Variants in NBEAL2 observed in about 807,000 individuals in gnomAD.
NBEAL2 encodes neurobeachin like 2, also known as neurobeachin-like protein 2.
Under a neutral mutation model 299.8 loss-of-function variants are expected in NBEAL2, and 160 were observed. The ratio of observed to expected loss-of-function variants is 0.53; its 90% CI spans 0.47 to 0.61. The LOEUF (loss-of-function observed/expected upper bound fraction) is 0.61, where lower values mean the gene tolerates loss of function less well. Ranked by LOEUF, NBEAL2 falls within the 20% of genes least tolerant of loss-of-function variation. The probability of loss-of-function intolerance (pLI) is 0.00; values close to 1 mark genes in which losing one functional copy is unlikely to be tolerated. For synonymous variants in NBEAL2, 1,493 were observed against 1,542.3 expected, an observed-to-expected ratio of 0.97 and a Z score of 0.75; for missense variants, 3,112 against 3,649.0, an observed-to-expected ratio of 0.85 and a Z score of 3.79.
In NBEAL2 at chr3:47,001,974, G is replaced by C. The variant is rs1248848964; in HGVS notation, c.4837G>C (p.Ala1613Pro). The C allele has an allele frequency of 1.2e-6, 2 of 1,608,696 alleles. No individual in the cohort carries two copies. ...LHMLLQTAVP[A>P]RREEACYVLS... ...CATGCTGCTACAGACTGCAGTGCCA[G>C]CCCGCCGCGAGGAGGCCTGCTATGT... The change falls in exon 31 of 54, where the codon GCC (alanine) becomes CCC (proline). Residue 1613 changes from alanine (A) to proline (P), a missense_variant. Ala to Pro is a conservative substitution (Grantham distance 27). Transcript: ENST00000450053. The surrounding 1 kb of genome is among the most constrained non-coding windows in gnomAD (Gnocchi z 6.1).
chr3:46,987,097 C>T (rs2035719566), intron 1 of NBEAL2, among the ~76,000 whole-genome samples: 2 of 152,236 alleles, frequency 1.3e-5, no homozygotes, highest in Admixed American at 1.3e-4. Context: ...GGGAGTTCCC[C>T]AATCACAGGG....
rs374762631 is a variant in NBEAL2 at position 47,006,322 on chromosome 3, C to T, written c.7018-11C>T. On this transcript the variant is annotated splice_polypyrimidine_tract_variant and intron_variant, in intron 44 of 53. Coordinates refer to ENST00000450053, the MANE Select transcript of NBEAL2 (RefSeq NM_015175.3). ...CCCATGCCATGGTGCTGACCAGCCA[C>T]TTACCCACAGGAGCCACATCCAACT... 1.9e-5 allele frequency: 31 copies of T among 1,600,290 alleles called. No individual in the cohort carries two copies. The highest frequency in any genetic ancestry group is 3.3e-4 in the Middle Eastern group (2 of 6,070).
Position 46,994,566 on chromosome 3 carries a change from G to C in NBEAL2, c.1296+13G>C, listed in dbSNP as rs780765425. The C allele has an allele frequency of 3.8e-6, 6 of 1,563,646 alleles. No homozygotes were observed. The Admixed American group carries it at 7.4e-5, about 19-fold the overall frequency. On this transcript the variant is annotated intron_variant, in intron 12 of 53. Coordinates refer to ENST00000450053, the MANE Select transcript of NBEAL2 (RefSeq NM_015175.3). ...GCTGCTCAACATGGTGAGGGAAGGGGCTTGGGACCAGGGTCCCAAAGGCAA... is the reference window on the plus strand; with the variant it reads ...GCTGCTCAACATGGTGAGGGAAGGGCCTTGGGACCAGGGTCCCAAAGGCAA...
chr3:46,999,598 G>A (rs760430855), intron 25 of NBEAL2, 32 bp from the exon 26 acceptor site: 6 of 1,509,036 alleles, frequency 4.0e-6, no homozygotes, highest in South Asian at 1.2e-5. Flanking sequence ...AGTCTGGTCA[G>A]TCCCTCAGGT....
In NBEAL2 at chr3:47,005,325, C is replaced by T. The variant is rs753026725; in HGVS notation, c.6560+4C>T. On this transcript the variant is annotated splice_donor_region_variant and intron_variant, in intron 40 of 53. Transcript: ENST00000450053. ...ACGTCCAGCTGCAAAGTGGCCGGTGCGGCCCAGGGGCTGGTGGGCAGACTA... is the reference window on the plus strand; with the variant it reads ...ACGTCCAGCTGCAAAGTGGCCGGTGTGGCCCAGGGGCTGGTGGGCAGACTA... 1.4e-5 allele frequency: 22 copies of T among 1,609,706 alleles called. No individual in the cohort carries two copies. The highest frequency in any genetic ancestry group is 1.9e-5 in the Non-Finnish European group (22 of 1,178,400).
chr3:47,009,212 C>A lies in NBEAL2; in HGVS notation c.8164-7C>A, dbSNP rs1228926475. 1 of 1,589,874 alleles carries A rather than the reference C, an allele frequency of 6.3e-7. No homozygotes were observed. Among genetic ancestry groups the A allele is most frequent in the African/African-American group, 1.3e-5 (1 of 74,366 alleles). On this transcript the variant is annotated splice_region_variant and splice_polypyrimidine_tract_variant and intron_variant, in intron 53 of 53. Transcript: ENST00000450053. ...AGCTGATCCTACTCAACCCTTACGC[C>A]CACCAGGTGCGCAGCAGCCAGTTCG...
In NBEAL2 at chr3:47,001,818, G is replaced by A; in HGVS notation, c.4774G>A (p.Asp1592Asn). The A allele has an allele frequency of 1.2e-6, 2 of 1,613,762 alleles. No homozygotes were observed. Among genetic ancestry groups the A allele is most frequent in the Non-Finnish European group, 1.7e-6 (2 of 1,179,872 alleles). ...TGTACTTGGCTACATCCTGCTGGAA[G>A]ACCCACAGGTGAGCACAGGGTGAGC... is the stretch of plus-strand genomic sequence containing the variant. ...RLVLGYILLE[D>N]PQLHAQAYVR... The change falls in exon 30 of 54, where the codon GAC (aspartate) becomes AAC (asparagine). Residue 1592 changes from aspartate (D) to asparagine (N), a missense_variant. Asp to Asn is a conservative substitution (Grantham distance 23, BLOSUM62 1). Coordinates refer to ENST00000450053, the MANE Select transcript of NBEAL2 (RefSeq NM_015175.3). The surrounding 1 kb of genome is among the most constrained non-coding windows in gnomAD (Gnocchi z 6.1).
chr3:46,995,633 G>T lies in NBEAL2; in HGVS notation c.1898G>T (p.Ser633Ile), dbSNP rs1189391009. 1 of 1,609,838 alleles carries T rather than the reference G, an allele frequency of 6.2e-7. No homozygotes were observed. The highest frequency in any genetic ancestry group is 8.5e-7 in the Non-Finnish European group (1 of 1,177,332). Reference sequence around the variant, plus strand: ...CCACTCCAGCGAAAGCAGCTGTACAGGTGGGTGACTGCCAGGGGCCAGGGA... The same window carrying T: ...CCACTCCAGCGAAAGCAGCTGTACATGTGGGTGACTGCCAGGGGCCAGGGA... The part of the protein sequence containing the change: ...TRPLQRKQLY[S>I]FFTSSGSGFE... The change falls in exon 13 of 54, where the codon AGC becomes ATC. Residue 633 changes from serine to isoleucine, a missense_variant and splice_region_variant. Physicochemically the swap from Ser to Ile is moderately radical, Grantham distance 142. This residue lies in a region of NBEAL2 where 2,243 missense variants were observed against 2,538.1 expected (regional missense o/e 0.88). Transcript: ENST00000450053.
rs747202904 is a variant in NBEAL2 at position 46,995,562 on chromosome 3, C to G, written c.1827C>G (p.Leu609=). The G allele has an allele frequency of 6.2e-7, 1 of 1,612,832 alleles. No individual in the cohort carries two copies. ...PGPGFTFHAW[L]CLHPMDTAPT... Reference sequence around the variant, plus strand: ...CTGGCTTCACCTTTCATGCCTGGCTCTGTCTGCACCCTATGGATACAGCAC... The same window carrying G: ...CTGGCTTCACCTTTCATGCCTGGCTGTGTCTGCACCCTATGGATACAGCAC... Residue 609 remains leucine (L), a synonymous_variant, in exon 13 of 54, where the codon CTC becomes CTG. Transcript: ENST00000450053.
At chr3:46,981,033 C>T (rs1355811979) in intron 1 of NBEAL2, among the ~76,000 whole-genome samples, 2 of 152,232 alleles carry the variant, frequency 1.3e-5, no homozygotes, top group East Asian at 3.8e-4. Context: ...CCTCTTCAGT[C>T]CGCTCAGGTT....
At position 47,004,836 on chromosome 3, in the gene NBEAL2, C is replaced by A; in HGVS notation, c.6295-136C>A. The A allele has an allele frequency of 7.5e-7, 1 of 1,328,224 alleles. No individual in the cohort carries two copies. Among genetic ancestry groups the A allele is most frequent in the Non-Finnish European group, 1.0e-6 (1 of 969,152 alleles). The allele number at this position is 1,328,224 out of a possible 1,614,324, so 82.3% of individuals were successfully genotyped here. ...TTCCAGGACACTCTGTCCTTCTCCC[C>A]TGTGACCCCTCTAAGTGGTGCTCCC... On this transcript the variant is annotated intron_variant, in intron 38 of 53. Transcript: ENST00000450053. This position sits in a 1 kb window ranked among gnomAD's most constrained non-coding sequence, Gnocchi z 5.0.
chr3:46,985,027 C>CCCT (rs1226429284), intron 1 of NBEAL2, among the ~76,000 whole-genome samples: 1 of 152,214 alleles, frequency 6.6e-6, no homozygotes, highest in African/African-American at 2.4e-5. Context: ...GGAACCCATG[C>CCCT]CCTCACCTGA....
At position 47,001,203 on chromosome 3, in the gene NBEAL2, G is replaced by C; in HGVS notation, c.4484+24G>C. 1 of 1,604,166 alleles carries C rather than the reference G, an allele frequency of 6.2e-7. No individual in the cohort carries two copies. Among genetic ancestry groups the C allele is most frequent in the Non-Finnish European group, 8.5e-7 (1 of 1,172,890 alleles). ...AGGTGAGAGGGAAAGTCTGGAGGGG[G>C]AGGGGCTTCAGGAAGCCTCGGGGGA... is the stretch of plus-strand genomic sequence containing the variant. On this transcript the variant is annotated intron_variant, in intron 28 of 53. Transcript: ENST00000450053. This position sits in a 1 kb window ranked among gnomAD's most constrained non-coding sequence, Gnocchi z 6.1.
chr3:46,992,196 G>C (rs2036146596), intron 9 of NBEAL2, among the ~76,000 whole-genome samples: 1 of 152,150 alleles, frequency 6.6e-6, no homozygotes, highest in South Asian at 2.1e-4. Flanking sequence ...TGTTATGGAA[G>C]GAAGGGAGCT....
rs2037207301 is a variant in NBEAL2, at chr3:47,003,763, G to A, written c.5721-53G>A. 3 of 1,520,562 alleles carry A rather than the reference G, an allele frequency of 2.0e-6. No homozygotes were observed. The highest frequency in any genetic ancestry group is 2.7e-6 in the Non-Finnish European group (3 of 1,130,914). 94.2% of individuals were successfully genotyped at this position (1,520,562 alleles called of 1,614,324 possible). ...TGGCACTTGGATGCCCTTTGGGCTT[G>A]TGAAGAAGGGGGTCCCAGAGCCTAC... On this transcript the variant is annotated intron_variant, in intron 35 of 53. Transcript: ENST00000450053. The surrounding 1 kb of genome is among the most constrained non-coding windows in gnomAD (Gnocchi z 7.0).
intron 48 of NBEAL2, 44 bp downstream of exon 48, chr3:47,007,741 TG>T (rs1662058816): frequency 6.2e-7 from 1 of 1,609,310 alleles, no homozygotes; most frequent in African/African-American, 1.3e-5. Flanking sequence ...CACACAGGTA[TG>T]GGGCCGGGTT....
intron 45 of NBEAL2, among the ~76,000 whole-genome samples, 195 bp downstream of exon 45, chr3:47,006,644 C>T (rs552055679): frequency 3.4e-4 from 52 of 152,260 alleles, no homozygotes; most frequent in African/African-American, 1.2e-3. Context: ...GATAAAGTGT[C>T]GACTCAACAA....
Position 47,007,173 on chromosome 3 carries a change from A to T in NBEAL2, c.7224+18A>T, listed in dbSNP as rs1158672898. The T allele has an allele frequency of 1.9e-6, 3 of 1,612,950 alleles. No individual in the cohort carries two copies. On this transcript the variant is annotated intron_variant, in intron 46 of 53. Coordinates refer to ENST00000450053, the MANE Select transcript of NBEAL2 (RefSeq NM_015175.3). The stretch of plus-strand genomic sequence containing the variant: ...ACCTGTTGGTAAGTGCATTGTGCAG[A>T]GCCCCAGCTCAGCTCCACTCCCCCT...
At chr3:47,002,340 G>A (rs748375166) in intron 31 of NBEAL2, 31 bp from the exon 32 acceptor site, 21 of 1,608,874 alleles carry the variant, frequency 1.3e-5, no homozygotes, top group East Asian at 8.9e-5. Context: ...GGCCCACATC[G>A]AGCACTGTTC....
Sources: gnomAD v4.1 joint callset for allele counts (sites outside exome capture counted in the v4.1 genomes callset) on GRCh38, gnomAD v4.1.1 for gene constraint, gnomAD v4.1.1 regional missense constraint, Gnocchi (gnomAD v3.1) non-coding constraint, MANE v1.5 for transcripts, NCBI Gene and HGNC (gene_info 2026-07-23, HGNC 2026-07-21) for gene names.